Variants in PTPRN2 observed in about 807,000 individuals in gnomAD.
PTPRN2 encodes receptor-type tyrosine-protein phosphatase N2.
PTPRN2 carries 74 observed loss-of-function variants against 118.8 expected under a neutral mutation model. The observed-to-expected ratio is 0.62, with a 90% CI of 0.52 to 0.76. The LOEUF is 0.76. Ranked by LOEUF, PTPRN2 falls within the 30% of genes least tolerant of loss-of-function variation. The pLI is 0.00. For synonymous variants in PTPRN2, 641 were observed against 608.0 expected (o/e 1.05, Z -0.80); for missense variants, 1,481 against 1,394.4 (o/e 1.06, Z -0.99).
At chr7:157,943,972 C>G (rs12698113) in intron 11 of PTPRN2, among the ~76,000 whole-genome samples, 47,427 of 152,130 alleles carry the variant, frequency 0.31, 8,970 homozygotes, top group Non-Finnish European at 0.44. Flanking sequence ...TTAACTAAAT[C>G]CATTCAGACA....
chr7:157,684,419 C>CG (rs1258953449), intron 12 of PTPRN2, among the ~76,000 whole-genome samples: 1 of 14,252 alleles, frequency 7.0e-5, no homozygotes, highest in Non-Finnish European at 1.4e-4. Flanking sequence ...AGAGGAGGCG[C>CG]GGGGTGGGGG....
At chr7:158,353,709 C>T (rs1808177709) in intron 2 of PTPRN2, among the ~76,000 whole-genome samples, 1 of 152,186 alleles carries the variant, frequency 6.6e-6, no homozygotes, top group Admixed American at 6.5e-5. Flanking sequence ...GAGAACCAGA[C>T]CCCCACATCT....
intron 2 of PTPRN2, among the ~76,000 whole-genome samples, chr7:158,365,431 T>C (rs1809359085): frequency 6.6e-6 from 1 of 152,172 alleles, no homozygotes; most frequent in Non-Finnish European, 1.5e-5. Flanking sequence ...CCTCCCTCTC[T>C]TCCTACAAAA....
chr7:158,396,432 G>A (rs1021879966), intron 2 of PTPRN2, among the ~76,000 whole-genome samples: 1 of 152,140 alleles, frequency 6.6e-6, no homozygotes, highest in Non-Finnish European at 1.5e-5. Flanking sequence ...ACGTGTGTGT[G>A]CATGAATGTG....
chr7:158,114,873 G>A (rs143060348), intron 9 of PTPRN2, among the ~76,000 whole-genome samples: 164 of 152,260 alleles, frequency 1.1e-3, no homozygotes, highest in African/African-American at 3.7e-3. Context: ...AATGCCCTCG[G>A]GTAGCACAGT....
intron 11 of PTPRN2, among the ~76,000 whole-genome samples, chr7:158,011,486 C>G (rs1806045561): frequency 6.6e-6 from 1 of 152,148 alleles, no homozygotes; most frequent in African/African-American, 2.4e-5. Context: ...AAAAGAAACC[C>G]CCAAACCGTC....
intron 12 of PTPRN2, among the ~76,000 whole-genome samples, chr7:157,685,870 C>T (rs1481724558): frequency 6.6e-6 from 1 of 152,156 alleles, no homozygotes; most frequent in Non-Finnish European, 1.5e-5. Context: ...CCACCAACCT[C>T]GCCCGGCTCC....
chr7:158,344,799 G>T (rs1026427432), intron 2 of PTPRN2, among the ~76,000 whole-genome samples: 2 of 152,318 alleles, frequency 1.3e-5, no homozygotes, highest in African/African-American at 4.8e-5. Flanking sequence ...TAGGAGAGGG[G>T]CCCAGGGGAC....
intron 2 of PTPRN2, among the ~76,000 whole-genome samples, chr7:158,333,334 C>T (rs1332123107): frequency 1.4e-5 from 2 of 142,536 alleles, no homozygotes; most frequent in South Asian, 2.2e-4. Flanking sequence ...ACACTGTCAC[C>T]ATAAGAGGTG....
intron 3 of PTPRN2, among the ~76,000 whole-genome samples, chr7:158,289,454 C>T (rs1298612287): frequency 6.6e-6 from 1 of 152,168 alleles, no homozygotes; most frequent in Non-Finnish European, 1.5e-5. Flanking sequence ...CTCTCTACTG[C>T]ATTTTTCATT....
At position 157,731,487 on chromosome 7, in the gene PTPRN2, TTC is replaced by T. The variant is rs1490485760; in HGVS notation, c.1789-48552_1789-48551del. On this transcript the variant is annotated intron_variant, in intron 12 of 22. Coordinates refer to ENST00000389418, the MANE Select transcript of PTPRN2 (RefSeq NM_002847.5). ...CCCACGCGCCCAGCACAGTTACCCT[TTC>T]CCGTCCCATGCGCCCAGCACAGTTA... 2.3e-3 allele frequency among the ~76,000 whole-genome samples: 337 copies of T among 143,524 alleles called. 5 individuals are homozygous for T. Among genetic ancestry groups the T allele is most frequent in the African/African-American group, 8.5e-3 (325 of 38,258 alleles). The allele number at this position is 143,524 out of a possible 152,430, so 94.2% of individuals were successfully genotyped here. A position where few individuals can be genotyped will look rare whatever the true frequency, so the allele number is the denominator to read the frequency against.
intron 11 of PTPRN2, among the ~76,000 whole-genome samples, chr7:157,994,034 T>C (rs190537353): frequency 6.6e-6 from 1 of 152,334 alleles, no homozygotes; most frequent in Admixed American, 6.5e-5. Flanking sequence ...GAATAATTTA[T>C]CGCAAAGTCC....
At chr7:158,149,062 C>T (rs1360179140) in intron 6 of PTPRN2, among the ~76,000 whole-genome samples, 2 of 137,448 alleles carry the variant, frequency 1.5e-5, no homozygotes, top group Non-Finnish European at 1.6e-5. Flanking sequence ...CCATCTCATG[C>T]CACGTGTCAT....
In PTPRN2 at chr7:158,089,852, GA is replaced by G. The variant is rs1256333629; in HGVS notation, c.1644-8476del. 8.5e-4 allele frequency among the ~76,000 whole-genome samples: 102 copies of G among 120,262 alleles called. 1 individual carries two copies. The highest frequency in any genetic ancestry group is 2.7e-3 in the African/African-American group (92 of 34,394). The allele number at this position is 120,262 out of a possible 152,430, so 78.9% of individuals were successfully genotyped here. A position where few individuals can be genotyped will look rare whatever the true frequency, so the allele number is the denominator to read the frequency against. On this transcript the variant is annotated intron_variant, in intron 10 of 22. Transcript: ENST00000389418. Reference sequence around the variant, plus strand: ...ATCCTTCCTCCCCTGATGAAAGAGGGAGTCTTCACACAAACCCTTCCTCCCC... The same window carrying G: ...ATCCTTCCTCCCCTGATGAAAGAGGGGTCTTCACACAAACCCTTCCTCCCC...
chr7:158,270,746 C>T (rs915996589), intron 3 of PTPRN2, among the ~76,000 whole-genome samples: 5 of 149,132 alleles, frequency 3.4e-5, no homozygotes, highest in South Asian at 2.1e-4. Flanking sequence ...CTACCTGAGC[C>T]GTCTTCTCCA....
chr7:157,803,452 T>C (rs1306527863), intron 12 of PTPRN2, among the ~76,000 whole-genome samples: 1 of 152,230 alleles, frequency 6.6e-6, no homozygotes, highest in Non-Finnish European at 1.5e-5. Context: ...TTGTCCTGCA[T>C]GTTCACATTT....
intron 21 of PTPRN2, among the ~76,000 whole-genome samples, chr7:157,564,844 C>A (rs78907234): frequency 5.3e-5 from 8 of 152,236 alleles, no homozygotes; most frequent in African/African-American, 9.6e-5. Flanking sequence ...TGGGTGGACA[C>A]CCTCACATCC....
intron 1 of PTPRN2, among the ~76,000 whole-genome samples, chr7:158,535,828 T>G (rs1340548608): frequency 6.6e-6 from 1 of 151,476 alleles, no homozygotes; most frequent in African/African-American, 2.4e-5. Flanking sequence ...TTGATTATAT[T>G]TGGGATTTTT....
At chr7:158,200,753 AAAC>A (rs1373768941) in intron 4 of PTPRN2, among the ~76,000 whole-genome samples, 9 of 152,200 alleles carry the variant, frequency 5.9e-5, no homozygotes, top group African/African-American at 1.9e-4. Context: ...TGAAGTTTAA[AAAC>A]AACACATAAA....
Sources: gnomAD v4.1 joint callset for allele counts (sites outside exome capture counted in the v4.1 genomes callset) on GRCh38, gnomAD v4.1.1 for gene constraint, MANE v1.5 for transcripts, NCBI Gene and HGNC (gene_info 2026-07-23, HGNC 2026-07-21) for gene names.